BMPR1B: variants seen among roughly 807,000 people sequenced by gnomAD.
BMPR1B encodes the protein bone morphogenetic protein receptor type 1B.
A neutral mutation model predicts 59.1 loss-of-function variants in BMPR1B; 12 were observed. The ratio of observed to expected loss-of-function variants is 0.20; its 90% confidence interval spans 0.13 to 0.33. The LOEUF is 0.33. Among genes scored for constraint, BMPR1B ranks in the 10% least tolerant of loss-of-function variants. The pLI is 1.00. For synonymous variants in BMPR1B, 237 were observed against 207.3 expected (o/e 1.14, Z -1.23); for missense variants, 550 against 610.9 (o/e 0.90, Z 1.05).
intron 3 of BMPR1B, among the ~76,000 whole-genome samples, chr4:95,060,654 T>C (rs1727294949): frequency 6.6e-6 from 1 of 152,182 alleles, no homozygotes; most frequent in Admixed American, 6.6e-5. Flanking sequence ...CGCCTGGAAA[T>C]CTGTTCAGAG....
At chr4:94,858,102 C>G (rs180771292) in intron 1 of BMPR1B, among the ~76,000 whole-genome samples, 2 of 128,222 alleles carry the variant, frequency 1.6e-5, no homozygotes, top group Non-Finnish European at 3.3e-5. Flanking sequence ...CCCACCACCA[C>G]GCCTGGCTAA....
At chr4:94,774,557 GTTTA>G (rs1163934473) in intron 1 of BMPR1B, among the ~76,000 whole-genome samples, 3 of 152,112 alleles carry the variant, frequency 2.0e-5, no homozygotes, top group African/African-American at 7.2e-5. Context: ...ACATGTATAA[GTTTA>G]TTTATGAATT....
At chr4:94,983,969 T>C (rs1721252141) in intron 2 of BMPR1B, among the ~76,000 whole-genome samples, 1 of 152,208 alleles carries the variant, frequency 6.6e-6, no homozygotes. Context: ...ATAAGAAATG[T>C]TCCATGAGAA....
chr4:94,886,500 A>G (rs755452874), intron 2 of BMPR1B, among the ~76,000 whole-genome samples: 40 of 152,208 alleles, frequency 2.6e-4, no homozygotes, highest in Non-Finnish European at 5.4e-4. Flanking sequence ...GTTGTATATT[A>G]TGCTACAAAA....
intron 2 of BMPR1B, among the ~76,000 whole-genome samples, chr4:94,920,874 A>C (rs1434974869): frequency 6.6e-6 from 1 of 152,158 alleles, no homozygotes; most frequent in Admixed American, 6.5e-5. Flanking sequence ...AACTAACTAA[A>C]TATTTTTATG....
intron 4 of BMPR1B, among the ~76,000 whole-genome samples, chr4:95,110,401 A>G (rs1731545339): frequency 1.3e-5 from 2 of 152,062 alleles, no homozygotes; most frequent in Non-Finnish European, 2.9e-5. Context: ...TGATAGTTAC[A>G]TGATCTTGAG....
chr4:94,869,593 G>A (rs966532734), intron 1 of BMPR1B, among the ~76,000 whole-genome samples: 1 of 152,084 alleles, frequency 6.6e-6, no homozygotes, highest in Admixed American at 6.6e-5. Flanking sequence ...AGGTTTGACT[G>A]AATTAGAGGT....
chr4:94,861,197 G>A (rs1401592592), intron 1 of BMPR1B, among the ~76,000 whole-genome samples: 5 of 152,208 alleles, frequency 3.3e-5, no homozygotes, highest in Non-Finnish European at 7.3e-5. Context: ...CTGGGTGACT[G>A]AGGGTAAGTT....
chr4:95,139,641 C>G (rs181742251), intron 10 of BMPR1B, among the ~76,000 whole-genome samples: 1 of 152,176 alleles, frequency 6.6e-6, no homozygotes, highest in Non-Finnish European at 1.5e-5. Flanking sequence ...GCCTCGCTGC[C>G]GCCTTGCAGT....
In BMPR1B at chr4:95,108,411, T is replaced by A. The variant is rs142712322; in HGVS notation, c.143+3844T>A. On this transcript the variant is annotated intron_variant, in intron 4 of 12. Transcript: ENST00000515059. ...ACCCAGATCTTAGTCAAACTGAGTG[T>A]TGTGGTAGGTTTCATGTTCATTATC... Among the ~76,000 whole-genome samples the A allele has an allele frequency of 4.1e-3, 627 of 152,216 alleles. 2 individuals are homozygous for A. Among genetic ancestry groups the A allele is most frequent in the African/African-American group, 0.014 (590 of 41,560 alleles).
intron 2 of BMPR1B, among the ~76,000 whole-genome samples, chr4:94,878,517 A>G (rs773718699): frequency 3.9e-5 from 6 of 152,208 alleles, no homozygotes; most frequent in Non-Finnish European, 5.9e-5. Context: ...ACACTGGCCC[A>G]GGTAAACTAG....
At chr4:94,831,452 A>G (rs1036367255) in intron 1 of BMPR1B, among the ~76,000 whole-genome samples, 3 of 152,168 alleles carry the variant, frequency 2.0e-5, no homozygotes, top group Non-Finnish European at 4.4e-5. Flanking sequence ...CTAAGTATAC[A>G]ATGTTTATAA....
At chr4:94,862,247 T>C (rs1726015010) in intron 1 of BMPR1B, among the ~76,000 whole-genome samples, 1 of 151,846 alleles carries the variant, frequency 6.6e-6, no homozygotes, top group Admixed American at 6.6e-5. Context: ...TCTCCCAGGT[T>C]AAAGCGATTC....
rs6838481 is a variant in BMPR1B, at chr4:95,140,817, C to T, written c.1077-7931C>T. 8.0e-3 allele frequency among the ~76,000 whole-genome samples: 1,221 copies of T among 152,228 alleles called. 15 individuals carry two copies. Among genetic ancestry groups the T allele is most frequent in the African/African-American group, 0.027 (1,110 of 41,536 alleles). On this transcript the variant is annotated intron_variant, in intron 10 of 12. Transcript: ENST00000515059. ...AGGCAATAGCAAAGTAACTGAGACTCATCTCCTTTATAGACCTTAAAACAA... is the reference window on the plus strand; with the variant it reads ...AGGCAATAGCAAAGTAACTGAGACTTATCTCCTTTATAGACCTTAAAACAA...
Position 95,157,893 on chromosome 4 carries a change from A to G in BMPR1B, c.*3220A>G, listed in dbSNP as rs1202893261. 1 of 152,154 alleles carries G rather than the reference A, an allele frequency of 6.6e-6. No homozygotes were observed. Among genetic ancestry groups the G allele is most frequent in the East Asian group, 1.9e-4 (1 of 5,194 alleles). The allele number at this position is 152,154 out of a possible 1,614,324, so 9.4% of individuals were successfully genotyped here. A position where few individuals can be genotyped will look rare whatever the true frequency, so the allele number is the denominator to read the frequency against. ...CCAAACAGAAAGCTTCTTAGAAAAC[A>G]TGCTGAGATTTTATTTACAGGGAAT... On this transcript the variant is annotated 3_prime_UTR_variant, in exon 13 of 13. Coordinates refer to ENST00000515059, the MANE Select transcript of BMPR1B (RefSeq NM_001203.3).
rs35389297 is a variant in BMPR1B, at chr4:94,877,963, T to C, written c.-113+2063T>C. Among the ~76,000 whole-genome samples, 1,086 of 152,300 alleles carry C rather than the reference T, an allele frequency of 7.1e-3. 8 individuals are homozygous for C. The highest frequency in any genetic ancestry group is 0.013 in the Non-Finnish European group (870 of 68,024). On this transcript the variant is annotated intron_variant, in intron 2 of 12. Coordinates refer to ENST00000515059, the MANE Select transcript of BMPR1B (RefSeq NM_001203.3). ...TTGTGTGCATGCACATGTGTGCGTG[T>C]GTGTGTGTATATGCATTTACATTGG...
At chr4:94,882,122 C>G (rs535488508) in intron 2 of BMPR1B, among the ~76,000 whole-genome samples, 2 of 152,120 alleles carry the variant, frequency 1.3e-5, no homozygotes, top group African/African-American at 4.8e-5. Flanking sequence ...TACTGTCCCC[C>G]TCACTGTTTT....
chr4:94,802,132 T>TA (rs747646721), intron 1 of BMPR1B, among the ~76,000 whole-genome samples: 1 of 152,234 alleles, frequency 6.6e-6, no homozygotes, highest in African/African-American at 2.4e-5. Flanking sequence ...AGTAGTTTCT[T>TA]ACCACCGTTG....
chr4:94,855,903 C>G (rs1725736322), intron 1 of BMPR1B, among the ~76,000 whole-genome samples: 1 of 152,122 alleles, frequency 6.6e-6, no homozygotes, highest in Admixed American at 6.5e-5. Flanking sequence ...TGAAACATCA[C>G]TGTGTGCCCC....
Sources: gnomAD v4.1 joint callset for allele counts (sites outside exome capture counted in the v4.1 genomes callset) on GRCh38, gnomAD v4.1.1 for gene constraint, MANE v1.5 for transcripts, NCBI Gene and HGNC (gene_info 2026-07-23, HGNC 2026-07-21) for gene names.